OTOG: variants seen among roughly 807,000 people sequenced by gnomAD.
The protein encoded by OTOG is otogelin.
In OTOG, 296 loss-of-function variants were observed where a neutral mutation model predicts 313.8. That is an observed-to-expected ratio of 0.94 (90% CI 0.86 to 1.04). The LOEUF is 1.04. OTOG is among the 50% of genes least tolerant of loss of function. The pLI is 0.00. For synonymous variants in OTOG, 1,533 were observed against 1,554.9 expected (o/e 0.99, Z 0.33); for missense variants, 3,948 against 3,840.1 (o/e 1.03, Z -0.74).
At position 17,586,464 on chromosome 11, in the gene OTOG, G is replaced by A; in HGVS notation, c.2760-10G>A. 1 of 1,375,566 alleles carries A rather than the reference G, an allele frequency of 7.3e-7. No homozygotes were observed. The highest frequency in any genetic ancestry group is 9.5e-7 in the Non-Finnish European group (1 of 1,057,696). The allele number at this position is 1,375,566 out of a possible 1,614,324, so 85.2% of individuals were successfully genotyped here. A position where few individuals can be genotyped will look rare whatever the true frequency, so the allele number is the denominator to read the frequency against. ...GCTCTCCTGACCGCCTGCTTGCTGT[G>A]TCTCTACAGTCTGCTCAGACACGGG... On this transcript the variant is annotated splice_polypyrimidine_tract_variant and intron_variant, in intron 23 of 55. Transcript: ENST00000399397.
intron 42 of OTOG, among the ~76,000 whole-genome samples, chr11:17,632,737 G>A (rs1590056318): frequency 1.3e-5 from 2 of 152,168 alleles, no homozygotes; most frequent in Middle Eastern, 6.8e-3. Context: ...CCCCAATTAG[G>A]TTTGACTGGT....
rs748497956 is a variant in OTOG at position 17,612,219 on chromosome 11, G to T, written c.6181G>T (p.Val2061Leu). ...CTGCCTGGAGGGCCAGCTGATTCGC[G>T]TGAATCAGTCCCAGCACTGTCCCCA... Reference protein sequence around the residue: ...HICLEGQLIRVNQSQHCPQGA... With the variant: ...HICLEGQLIRLNQSQHCPQGA... The change falls in exon 37 of 56, where the codon GTG becomes TTG. Residue 2061 changes from valine (V) to leucine (L), a missense_variant. Coordinates refer to ENST00000399397, the MANE Select transcript of OTOG (RefSeq NM_001292063.2). 1.3e-6 allele frequency: 2 copies of T among 1,549,210 alleles called. No individual in the cohort carries two copies. Among genetic ancestry groups the T allele is most frequent in the East Asian group, 2.4e-5 (1 of 40,926 alleles).
At chr11:17,631,105 T>A (rs1381335049) in intron 40 of OTOG, among the ~76,000 whole-genome samples, 1 of 152,194 alleles carries the variant, frequency 6.6e-6, no homozygotes, top group African/African-American at 2.4e-5. Context: ...TTCACTCATA[T>A]GCCATTGGCT....
intron 22 of OTOG, among the ~76,000 whole-genome samples, chr11:17,577,644 T>C (rs1290930346): frequency 6.6e-6 from 1 of 152,130 alleles, no homozygotes; most frequent in African/African-American, 2.4e-5. Context: ...ATCCTCCCCA[T>C]GTTTTGTGTA....
rs1274055355 is a variant in OTOG, at chr11:17,610,757, G to T, written c.5457G>T (p.Val1819=). The change falls in exon 36 of 56, where the codon GTG becomes GTT. Residue 1819 remains valine (V), a synonymous_variant. Coordinates refer to ENST00000399397, the MANE Select transcript of OTOG (RefSeq NM_001292063.2). ...CCAAGGTGGGCACATCTGCCCCAGT[G>T]GCCACACCCGGCCCCAAAGCCTCTG... is the stretch of plus-strand genomic sequence containing the variant. ...PLAKVGTSAP[V]ATPGPKASVI... is the part of the protein sequence containing the mutation. 24 of 1,549,812 alleles carry T rather than the reference G, an allele frequency of 1.5e-5. No individual in the cohort carries two copies. The East Asian group carries it at 5.4e-4, about 35-fold the overall frequency.
At chr11:17,584,466 T>C (rs779185010) in intron 23 of OTOG, among the ~76,000 whole-genome samples, 2 of 152,110 alleles carry the variant, frequency 1.3e-5, no homozygotes, top group African/African-American at 4.8e-5. Flanking sequence ...ATTGGGGAAG[T>C]TTCTTTTTAT....
At chr11:17,618,047 G>A (rs1590046781) in intron 39 of OTOG, among the ~76,000 whole-genome samples, 1 of 151,932 alleles carries the variant, frequency 6.6e-6, no homozygotes, top group East Asian at 1.9e-4. Flanking sequence ...CGAGTAGCTG[G>A]GACTACAGGC....
intron 19 of OTOG, among the ~76,000 whole-genome samples, 191 bp from the exon 20 acceptor site, chr11:17,574,529 T>C (rs1852474127): frequency 6.6e-6 from 1 of 152,152 alleles, no homozygotes; most frequent in African/African-American, 2.4e-5. Flanking sequence ...TTCCAGTGTA[T>C]TGGTAGGCAG....
In OTOG at chr11:17,549,324, G is replaced by A. The variant is rs188089507; in HGVS notation, c.216+1112G>A. Among the ~76,000 whole-genome samples the A allele has an allele frequency of 2.8e-3, 421 of 152,294 alleles. 3 individuals carry two copies. Among genetic ancestry groups the A allele is most frequent in the Middle Eastern group, 6.8e-3 (2 of 294 alleles). On this transcript the variant is annotated intron_variant, in intron 3 of 55. Transcript: ENST00000399397. ...TTGAGCCAGCAGATTGGGGAGAATC[G>A]TTTATGACAGCAATGAGTCCCAACT...
At position 17,634,199 on chromosome 11, in the gene OTOG, C is replaced by G. The variant is rs1854203092; in HGVS notation, c.7398C>G (p.Pro2466=). The G allele has an allele frequency of 6.5e-7, 1 of 1,550,366 alleles. No individual in the cohort carries two copies. Among genetic ancestry groups the G allele is most frequent in the Non-Finnish European group, 8.7e-7 (1 of 1,146,980 alleles). The part of the protein sequence containing the change: ...IVPVDLGCPS[P]RPESCLRFGE... ...CGGTGGATCTGGGCTGCCCCAGTCC[C>G]CGCCCTGAGAGCTGCCTGCGATTCG... The change falls in exon 44 of 56, where the codon CCC becomes CCG. Residue 2466 remains proline, a synonymous_variant. Coordinates refer to ENST00000399397, the MANE Select transcript of OTOG (RefSeq NM_001292063.2).
At chr11:17,642,049 C>G in intron 52 of OTOG, 78 bp from the exon 53 acceptor site, 4 of 1,519,200 alleles carry the variant, frequency 2.6e-6, no homozygotes, top group Non-Finnish European at 3.5e-6. Flanking sequence ...TGGGTACAAA[C>G]AGGCTCCCAG....
In OTOG at chr11:17,605,996, G is replaced by A. The variant is rs1166498512; in HGVS notation, c.4017G>A (p.Gly1339=). 13 of 1,550,498 alleles carry A rather than the reference G, an allele frequency of 8.4e-6. No homozygotes were observed. The highest frequency in any genetic ancestry group is 1.7e-4 in the Middle Eastern group (1 of 6,012). The part of the protein sequence containing the change: ...QQHASFLLHR[G]TRQAGLVALE... ...ATGCCTCCTTCTTGCTGCACCGGGG[G>A]ACACGGCAGGCAGGCCTGGTGGCCC... is the stretch of plus-strand genomic sequence containing the variant. Residue 1339 remains glycine, a synonymous_variant, in exon 33 of 56, where the codon GGG becomes GGA. Transcript: ENST00000399397.
chr11:17,645,517 A>C (rs1400796315), intron 54 of OTOG, 47 bp from the exon 55 acceptor site: 19 of 1,536,644 alleles, frequency 1.2e-5, no homozygotes, highest in Admixed American at 9.9e-5. Flanking sequence ...GCTGCCCCGA[A>C]GAAGCCTGGT....
At chr11:17,556,272 C>A (rs568627650) in intron 7 of OTOG, among the ~76,000 whole-genome samples, 1 of 152,190 alleles carries the variant, frequency 6.6e-6, no homozygotes, top group Non-Finnish European at 1.5e-5. Context: ...ACTTCCATTT[C>A]TGATGACACA....
chr11:17,566,164 G>A lies in OTOG; in HGVS notation c.1645-2992G>A, dbSNP rs186923504. On this transcript the variant is annotated intron_variant, in intron 15 of 55. Coordinates refer to ENST00000399397, the MANE Select transcript of OTOG (RefSeq NM_001292063.2). Reference sequence around the variant, plus strand: ...CTCCCCACAGATACCAAAATCTGCAGATGCTCAAATTCCTTATGTAACATG... The same window carrying A: ...CTCCCCACAGATACCAAAATCTGCAAATGCTCAAATTCCTTATGTAACATG... Among the ~76,000 whole-genome samples, 5 of 152,310 alleles carry A rather than the reference G, an allele frequency of 3.3e-5. No individual in the cohort carries two copies. In the East Asian group the frequency reaches 9.6e-4, roughly 29 times the overall value.
In OTOG at chr11:17,629,442, C is replaced by T. The variant is rs1046364495; in HGVS notation, c.6712+126C>T. The T allele has an allele frequency of 2.3e-5, 26 of 1,143,124 alleles. No individual in the cohort carries two copies. In the African/African-American group the frequency reaches 3.1e-4, roughly 14 times the overall value. The allele number at this position is 1,143,124 out of a possible 1,614,324, so 70.8% of individuals were successfully genotyped here. On this transcript the variant is annotated intron_variant, in intron 40 of 55. Transcript: ENST00000399397. The stretch of plus-strand genomic sequence containing the variant: ...CAGGCCAGAGGTTGGAGCAGCAGAG[C>T]TGTCAGGGCAGGGAGGCCTAACGTC...
In OTOG at chr11:17,612,624, G is replaced by T. The variant is rs1362869220; in HGVS notation, c.6297G>T (p.Arg2099=). The T allele has an allele frequency of 1.9e-6, 3 of 1,550,010 alleles. No individual in the cohort carries two copies. In the African/African-American group the frequency reaches 4.1e-5, roughly 21 times the overall value. Reference sequence around the variant, plus strand: ...TGTGCCCTGCCCCTCCCCCAGGCCGGTGCTCAATCTTCCCTGACCTGAGCT... The same window carrying T: ...TGTGCCCTGCCCCTCCCCCAGGCCGTTGCTCAATCTTCCCTGACCTGAGCT... ...RCCPLWECAC[R]CSIFPDLSFV... Residue 2099 remains arginine (R), a synonymous_variant, in exon 38 of 56, where the codon CGG becomes CGT. Coordinates refer to ENST00000399397, the MANE Select transcript of OTOG (RefSeq NM_001292063.2).
intron 39 of OTOG, among the ~76,000 whole-genome samples, chr11:17,621,780 G>A (rs1853870658): frequency 6.6e-6 from 1 of 152,158 alleles, no homozygotes; most frequent in Non-Finnish European, 1.5e-5. Context: ...TGCCTCATTT[G>A]TTTCCATTTT....
intron 34 of OTOG, among the ~76,000 whole-genome samples, chr11:17,608,719 C>G (rs1322172500): frequency 3.3e-5 from 5 of 152,086 alleles, no homozygotes; most frequent in Non-Finnish European, 2.9e-5. Context: ...GGTGTATTCA[C>G]TGATTTTTGT....
Sources: allele counts gnomAD v4.1 joint callset (sites outside exome capture counted in the v4.1 genomes callset), GRCh38; gene constraint gnomAD v4.1.1; transcripts MANE v1.5; gene names NCBI Gene and HGNC (gene_info 2026-07-23, HGNC 2026-07-21).